YWHAB: variants seen among roughly 807,000 people sequenced by gnomAD.
YWHAB encodes tyrosine 3-monooxygenase/tryptophan 5-monooxygenase activation protein beta, also known as 14-3-3 protein beta/alpha.
YWHAB carries 2 observed loss-of-function variants against 28.5 expected under a neutral mutation model. The ratio of observed to expected loss-of-function variants is 0.07; its 90% CI spans 0.03 to 0.22. YWHAB has a LOEUF of 0.22. Ranked by LOEUF, YWHAB falls within the 10% of genes least tolerant of loss-of-function variation. YWHAB has a pLI of 1.00. For synonymous variants in YWHAB, 103 were observed against 104.7 expected (o/e 0.98, Z 0.10); for missense variants, 148 against 297.1 (o/e 0.50, Z 3.69).
Position 44,906,891 on chromosome 20 carries a change from T to C in YWHAB, c.*453T>C, listed in dbSNP as rs555271982. 1 of 154,442 alleles carries C rather than the reference T, an allele frequency of 6.5e-6. No homozygotes were observed. Among genetic ancestry groups the C allele is most frequent in the Non-Finnish European group, 1.4e-5 (1 of 69,266 alleles). The allele number at this position is 154,442 out of a possible 1,614,324, so 9.6% of individuals were successfully genotyped here. A position where few individuals can be genotyped will look rare whatever the true frequency, so the allele number is the denominator to read the frequency against. On this transcript the variant is annotated 3_prime_UTR_variant, in exon 6 of 6. Transcript: ENST00000353703. ...TATATTGTGATGCTGGAACTTGGAG[T>C]GAGACACACATCATTTGGCATTTGA...
chr20:44,900,046 GTTCT>G (rs1230459110), intron 1 of YWHAB, among the ~76,000 whole-genome samples: 2 of 150,492 alleles, frequency 1.3e-5, no homozygotes, highest in African/African-American at 2.5e-5. Flanking sequence ...AGTTGGTAGT[GTTCT>G]TTCTTTTTTT....
rs879516316 is a variant in YWHAB at position 44,894,864 on chromosome 20, G to A, written c.-3-6667G>A. 2.0e-5 allele frequency among the ~76,000 whole-genome samples: 3 copies of A among 152,192 alleles called. No individual in the cohort carries two copies. The East Asian group carries it at 5.8e-4, about 29-fold the overall frequency. ...GTGACACACAGTCCTGCTGCCTTCC[G>A]ACTATACTACATATAGGTACTCTGT... On this transcript the variant is annotated intron_variant, in intron 1 of 5. Coordinates refer to ENST00000353703, the MANE Select transcript of YWHAB (RefSeq NM_139323.4).
intron 1 of YWHAB, among the ~76,000 whole-genome samples, chr20:44,901,204 A>G (rs930308858): frequency 3.9e-5 from 6 of 152,068 alleles, no homozygotes. Context: ...GCTCTCCACC[A>G]TCTATTTGCA....
intron 1 of YWHAB, among the ~76,000 whole-genome samples, chr20:44,901,311 T>C (rs2066625058): frequency 6.6e-6 from 1 of 152,186 alleles, no homozygotes; most frequent in African/African-American, 2.4e-5. Flanking sequence ...ACTCTGGGAC[T>C]GTTGGGAAGA....
intron 5 of YWHAB, 66 bp downstream of exon 5, chr20:44,906,162 T>C (rs186987230): frequency 3.7e-5 from 50 of 1,341,684 alleles, no homozygotes; most frequent in Admixed American, 1.5e-4. Context: ...TTCACTGTTA[T>C]CTTCAAGAGG....
At chr20:44,890,500 CTTTTT>C (rs35619333) in intron 1 of YWHAB, among the ~76,000 whole-genome samples, 240 of 86,356 alleles carry the variant, frequency 2.8e-3, no homozygotes, top group African/African-American at 0.01. Context: ...TGGATTCCTA[CTTTTT>C]TTTTTTTTTT....
intron 1 of YWHAB, among the ~76,000 whole-genome samples, chr20:44,892,007 C>T (rs2066565509): frequency 1.3e-5 from 2 of 152,178 alleles, no homozygotes; most frequent in Admixed American, 1.3e-4. Flanking sequence ...TTCTGGGTAA[C>T]ACCCACTAAC....
At chr20:44,892,480 A>C (rs1167509327) in intron 1 of YWHAB, among the ~76,000 whole-genome samples, 1 of 151,896 alleles carries the variant, frequency 6.6e-6, no homozygotes, top group East Asian at 1.9e-4. Context: ...TGTTTCTACC[A>C]CTAGAGTTTA....
At chr20:44,894,792 G>T (rs939789787) in intron 1 of YWHAB, among the ~76,000 whole-genome samples, 1 of 152,180 alleles carries the variant, frequency 6.6e-6, no homozygotes, top group Non-Finnish European at 1.5e-5. Flanking sequence ...GGATTGGAAG[G>T]CTGAGATTTA....
chr20:44,905,224 C>A, intron 4 of YWHAB, 93 bp downstream of exon 4: 2 of 1,362,206 alleles, frequency 1.5e-6, no homozygotes, highest in South Asian at 1.5e-5. Flanking sequence ...TTGTCTTGGA[C>A]TTTTTTTGAA....
chr20:44,904,154 G>A (rs1254155432), intron 3 of YWHAB, 38 bp downstream of exon 3: 3 of 1,608,434 alleles, frequency 1.9e-6, no homozygotes, highest in Non-Finnish European at 2.5e-6. Context: ...GACCAGTAAT[G>A]GAGCCAGTCT....
chr20:44,907,683 T>G lies in YWHAB; in HGVS notation c.*1245T>G, dbSNP rs558129856. On this transcript the variant is annotated 3_prime_UTR_variant, in exon 6 of 6. Coordinates refer to ENST00000353703, the MANE Select transcript of YWHAB (RefSeq NM_139323.4). The stretch of plus-strand genomic sequence containing the variant: ...TTGAATTCTATCTTTATCTGTCTTT[T>G]GTTCACTTTTTAATGCTATATATGG... 6.6e-6 allele frequency: 1 copy of G among 152,288 alleles called. No homozygotes were observed. Among genetic ancestry groups the G allele is most frequent in the East Asian group, 1.9e-4 (1 of 5,180 alleles). 9.4% of individuals were successfully genotyped at this position (152,288 alleles called of 1,614,324 possible).
intron 2 of YWHAB, 103 bp from the exon 3 acceptor site, chr20:44,903,890 T>A: frequency 7.2e-7 from 1 of 1,380,660 alleles, no homozygotes; most frequent in African/African-American, 1.5e-5. Flanking sequence ...TTTTTTAATC[T>A]TCCAAAAAAT....
In YWHAB at chr20:44,885,725, C is replaced by T. The variant is rs925570032; in HGVS notation, c.-165C>T. The T allele has an allele frequency of 1.1e-5, 2 of 175,112 alleles. No individual in the cohort carries two copies. The highest frequency in any genetic ancestry group is 1.8e-4 in the East Asian group (1 of 5,654). The allele number at this position is 175,112 out of a possible 1,614,324, so 10.8% of individuals were successfully genotyped here. A position where few individuals can be genotyped will look rare whatever the true frequency, so the allele number is the denominator to read the frequency against. The stretch of plus-strand genomic sequence containing the variant: ...GGAGCGGAAGTGGAGCTACCGCCAC[C>T]GCCGCCGCCGATTCCGGAGCCGGGG... On this transcript the variant is annotated 5_prime_UTR_variant, in exon 1 of 6. Coordinates refer to ENST00000353703, the MANE Select transcript of YWHAB (RefSeq NM_139323.4).
chr20:44,901,756 GAGA>G lies in YWHAB; in HGVS notation c.229_231del (p.Lys77del). 8.1e-6 allele frequency: 13 copies of G among 1,613,864 alleles called. No homozygotes were observed. Among genetic ancestry groups the G allele is most frequent in the Non-Finnish European group, 1.0e-5 (12 of 1,179,746 alleles). On this transcript the variant is annotated inframe_deletion, in exon 2 of 6. Transcript: ENST00000353703. ...CATTGAGCAGAAAACAGAGAGGAATGAGAAGAAGCAGCAGATGGGCAAAGAGTA... is the reference window on the plus strand; with the variant it reads ...CATTGAGCAGAAAACAGAGAGGAATGAGAAGCAGCAGATGGGCAAAGAGTA...
At chr20:44,904,690 A>G (rs1161071578) in intron 3 of YWHAB, among the ~76,000 whole-genome samples, 4 of 152,318 alleles carry the variant, frequency 2.6e-5, no homozygotes, top group Middle Eastern at 3.4e-3. Flanking sequence ...ACTAGAATGT[A>G]TGGTTTTTCA....
At position 44,907,016 on chromosome 20, in the gene YWHAB, C is replaced by T. The variant is rs1213484349; in HGVS notation, c.*578C>T. On this transcript the variant is annotated 3_prime_UTR_variant, in exon 6 of 6. Transcript: ENST00000353703. ...CTTAAAAGTTCATGACCACAAATGT[C>T]CACAGTGTCTTCCTCTGAGGAAACT... 2 of 152,298 alleles carry T rather than the reference C, an allele frequency of 1.3e-5. No individual in the cohort carries two copies. Among genetic ancestry groups the T allele is most frequent in the Admixed American group, 6.5e-5 (1 of 15,300 alleles). The allele number at this position is 152,298 out of a possible 1,614,324, so 9.4% of individuals were successfully genotyped here.
chr20:44,906,021 T>A lies in YWHAB; in HGVS notation c.609T>A (p.Ala203=). The A allele has an allele frequency of 6.2e-7, 1 of 1,613,438 alleles. No individual in the cohort carries two copies. The highest frequency in any genetic ancestry group is 8.5e-7 in the Non-Finnish European group (1 of 1,179,626). Reference sequence around the variant, plus strand: ...TTTAGGCATTTGATGAAGCAATTGCTGAATTGGATACGCTGAATGAAGAGT... The same window carrying A: ...TTTAGGCATTTGATGAAGCAATTGCAGAATTGGATACGCTGAATGAAGAGT... ...LAKTAFDEAI[A]ELDTLNEESY... Residue 203 remains alanine (A), a synonymous_variant, in exon 5 of 6, where the codon GCT becomes GCA. Transcript: ENST00000353703.
At chr20:44,900,582 T>C (rs939499203) in intron 1 of YWHAB, among the ~76,000 whole-genome samples, 2 of 152,202 alleles carry the variant, frequency 1.3e-5, no homozygotes, top group African/African-American at 2.4e-5. Context: ...ATCATATCTT[T>C]TGCTTCAGGA....
Sources: gnomAD v4.1 joint callset for allele counts (sites outside exome capture counted in the v4.1 genomes callset) on GRCh38, gnomAD v4.1.1 for gene constraint, MANE v1.5 for transcripts, NCBI Gene and HGNC (gene_info 2026-07-23, HGNC 2026-07-21) for gene names.